PARD3B: variants seen among roughly 807,000 people sequenced by gnomAD.
PARD3B encodes the protein partitioning defective 3 homolog B.
PARD3B carries 103 observed loss-of-function variants against 130.2 expected under a neutral mutation model. The ratio of observed to expected loss-of-function variants is 0.79; its 90% CI spans 0.67 to 0.93. The LOEUF is 0.93. PARD3B is among the 40% of genes least tolerant of loss of function. PARD3B has a pLI of 0.00. For missense variants in PARD3B, 1,609 were observed against 1,499.2 expected, an observed-to-expected ratio of 1.07 and a Z score of -1.21; for synonymous variants, 583 against 553.2, an observed-to-expected ratio of 1.05 and a Z score of -0.76.
intron 15 of PARD3B, among the ~76,000 whole-genome samples, chr2:205,238,034 A>G (rs2039147942): frequency 6.6e-6 from 1 of 152,184 alleles, no homozygotes; most frequent in Admixed American, 6.5e-5. Flanking sequence ...TGTCTCATTC[A>G]TGAGTCTAGA....
rs141463241 is a variant in PARD3B at position 205,564,294 on chromosome 2, G to A, written c.3260+10891G>A. ...TGCTCTGATCCCACCCTAAATCACT[G>A]CAGTGTATATTAAAATGAGCATTTC... On this transcript the variant is annotated intron_variant, in intron 22 of 22. Coordinates refer to ENST00000406610, the MANE Select transcript of PARD3B (RefSeq NM_001302769.2). This position sits in a 1 kb window ranked among gnomAD's most constrained non-coding sequence, Gnocchi z 4.6. 1.8e-3 allele frequency among the ~76,000 whole-genome samples: 271 copies of A among 152,198 alleles called. No homozygotes were observed. The highest frequency in any genetic ancestry group is 6.3e-3 in the African/African-American group (263 of 41,544).
intron 20 of PARD3B, among the ~76,000 whole-genome samples, chr2:205,477,555 G>A (rs2049068238): frequency 6.6e-6 from 1 of 152,006 alleles, no homozygotes; most frequent in Non-Finnish European, 1.5e-5. Flanking sequence ...CATGCTGGAG[G>A]TAAACAGACG....
intron 2 of PARD3B, among the ~76,000 whole-genome samples, chr2:204,778,371 G>T (rs1162015117): frequency 6.6e-6 from 1 of 152,202 alleles, no homozygotes; most frequent in Non-Finnish European, 1.5e-5. Flanking sequence ...GAAAGGCAGA[G>T]ATTAAATTGG....
At chr2:204,631,644 G>A (rs1329415247) in intron 1 of PARD3B, among the ~76,000 whole-genome samples, 1 of 152,132 alleles carries the variant, frequency 6.6e-6, no homozygotes, top group Non-Finnish European at 1.5e-5. Flanking sequence ...CTATCATCAT[G>A]GTGCTAGCTG....
At chr2:204,867,165 A>C (rs1340999600) in intron 2 of PARD3B, among the ~76,000 whole-genome samples, 1 of 151,890 alleles carries the variant, frequency 6.6e-6, no homozygotes, top group African/African-American at 2.4e-5. Context: ...TTTTTTTTTC[A>C]GGAATACAAA....
At chr2:204,588,024 G>T (rs532447977) in intron 1 of PARD3B, among the ~76,000 whole-genome samples, 1 of 152,262 alleles carries the variant, frequency 6.6e-6, no homozygotes, top group African/African-American at 2.4e-5. Context: ...TTTATTAGCA[G>T]CATGAGAATG....
In PARD3B at chr2:205,041,965, A is replaced by G. The variant is rs115656927; in HGVS notation, c.395-5616A>G. Among the ~76,000 whole-genome samples the G allele has an allele frequency of 3.6e-3, 550 of 152,202 alleles. 3 individuals carry two copies. Among genetic ancestry groups the G allele is most frequent in the African/African-American group, 0.012 (509 of 41,510 alleles). On this transcript the variant is annotated intron_variant, in intron 3 of 22. Transcript: ENST00000406610. ...CATTTAAGCCATCTCCATCCCAAAC[A>G]TATCCTCCAAATGAAAATCCACTGA...
chr2:205,302,664 C>A (rs533890334), intron 18 of PARD3B, among the ~76,000 whole-genome samples: 1 of 152,246 alleles, frequency 6.6e-6, no homozygotes, highest in East Asian at 1.9e-4. Context: ...GGTAGATGAA[C>A]CTCATCCCTC....
intron 3 of PARD3B, among the ~76,000 whole-genome samples, chr2:205,035,828 T>TATATATATATTGTGGG (rs1559374303): frequency 1.3e-4 from 1 of 7,974 alleles, no homozygotes; most frequent in African/African-American, 4.0e-4. Flanking sequence ...TATCTATATA[T>TATATATATATTGTGGG]CTATATATAT....
At chr2:205,174,355 C>T (rs550698136) in intron 12 of PARD3B, among the ~76,000 whole-genome samples, 2 of 152,164 alleles carry the variant, frequency 1.3e-5, no homozygotes, top group African/African-American at 4.8e-5. Context: ...TTTTTAGTTT[C>T]CCTAATATTT....
chr2:205,083,250 G>A (rs1701538725), intron 4 of PARD3B, among the ~76,000 whole-genome samples: 1 of 151,284 alleles, frequency 6.6e-6, no homozygotes, highest in African/African-American at 2.4e-5. Context: ...AATAGGAAAA[G>A]GTACTAGACT....
intron 1 of PARD3B, among the ~76,000 whole-genome samples, chr2:204,564,542 A>G (rs1207180387): frequency 6.6e-6 from 1 of 152,092 alleles, no homozygotes; most frequent in Non-Finnish European, 1.5e-5. Flanking sequence ...AAAAATGAGA[A>G]ATTAAAAAAT....
In PARD3B at chr2:205,230,301, T is replaced by G. The variant is rs72938099; in HGVS notation, c.2141-15477T>G. Among the ~76,000 whole-genome samples, 9,584 of 152,208 alleles carry G rather than the reference T, an allele frequency of 0.063. 460 individuals carry two copies. Among genetic ancestry groups the G allele is most frequent in the East Asian group, 0.25 (1,289 of 5,146 alleles). ...AGACCCATGGCAAGTACTGCCTGGCTACTGCTGCTAATTATTCAGGACCCA... is the reference window on the plus strand; with the variant it reads ...AGACCCATGGCAAGTACTGCCTGGCGACTGCTGCTAATTATTCAGGACCCA... On this transcript the variant is annotated intron_variant, in intron 15 of 22. Transcript: ENST00000406610. The surrounding 1 kb of genome is among the most constrained non-coding windows in gnomAD (Gnocchi z 4.1).
At chr2:205,205,870 G>A (rs1052273970) in intron 15 of PARD3B, among the ~76,000 whole-genome samples, 9 of 152,254 alleles carry the variant, frequency 5.9e-5, no homozygotes, top group East Asian at 1.9e-4. Context: ...GAGGATTTTT[G>A]CATCGATGTT....
chr2:205,390,162 C>CAA (rs1048157935), intron 18 of PARD3B, among the ~76,000 whole-genome samples: 10 of 110,774 alleles, frequency 9.0e-5, no homozygotes, highest in Admixed American at 8.5e-4. Context: ...AAATGCTTGA[C>CAA]AAAAAAAAAA....
chr2:204,948,522 C>A (rs545183703), intron 2 of PARD3B, among the ~76,000 whole-genome samples: 284 of 152,220 alleles, frequency 1.9e-3, no homozygotes, highest in African/African-American at 6.5e-3. Context: ...TCACCTTTGC[C>A]AAAAAGCTCC....
Position 205,245,007 on chromosome 2 carries a change from C to T in PARD3B, c.2141-771C>T, listed in dbSNP as rs1382412397. Among the ~76,000 whole-genome samples the T allele has an allele frequency of 2.0e-5, 3 of 152,196 alleles. No homozygotes were observed. The East Asian group carries it at 5.8e-4, about 29-fold the overall frequency. On this transcript the variant is annotated intron_variant, in intron 15 of 22. Coordinates refer to ENST00000406610, the MANE Select transcript of PARD3B (RefSeq NM_001302769.2). The stretch of plus-strand genomic sequence containing the variant: ...ACATATGATCATCAGTATTCAACTA[C>T]ATATATGAGGAGATTTTTCTGAAGA...
chr2:204,623,485 A>G lies in PARD3B; in HGVS notation c.121-62696A>G, dbSNP rs576186756. The stretch of plus-strand genomic sequence containing the variant: ...TTCCTTGCAATCAACAATCTTTTCT[A>G]TATCTCTATAATTTTGTCAATTAGA... On this transcript the variant is annotated intron_variant, in intron 1 of 22. Coordinates refer to ENST00000406610, the MANE Select transcript of PARD3B (RefSeq NM_001302769.2). The surrounding 1 kb of genome is among the most constrained non-coding windows in gnomAD (Gnocchi z 4.5). Among the ~76,000 whole-genome samples, 3 of 152,184 alleles carry G rather than the reference A, an allele frequency of 2.0e-5. No homozygotes were observed. The highest frequency in any genetic ancestry group is 2.1e-4 in the South Asian group (1 of 4,824).
intron 2 of PARD3B, among the ~76,000 whole-genome samples, chr2:204,865,629 C>T (rs187647465): frequency 5.1e-4 from 78 of 152,074 alleles, no homozygotes; most frequent in African/African-American, 1.8e-3. Flanking sequence ...TTCGGGGACT[C>T]GGGGGAAAGG....
Sources: gnomAD v4.1 joint callset for allele counts (sites outside exome capture counted in the v4.1 genomes callset) on GRCh38, gnomAD v4.1.1 for gene constraint, Gnocchi (gnomAD v3.1) non-coding constraint, MANE v1.5 for transcripts, NCBI Gene and HGNC (gene_info 2026-07-23, HGNC 2026-07-21) for gene names.